The following SLC35F3 variants were observed in gnomAD, a reference collection of about 807,000 sequenced individuals.
The protein encoded by SLC35F3 is putative thiamine transporter SLC35F3.
In SLC35F3, 25 loss-of-function variants were observed where a neutral mutation model predicts 49.9. That is an observed-to-expected ratio of 0.50 (90% CI 0.37 to 0.70). The LOEUF (loss-of-function observed/expected upper bound fraction) is 0.70, where lower values mean the gene tolerates loss of function less well. Among genes scored for constraint, SLC35F3 ranks in the 30% least tolerant of loss-of-function variants. SLC35F3 has a pLI of 0.00. For synonymous variants in SLC35F3, 275 were observed against 265.4 expected, an observed-to-expected ratio of 1.04 and a Z score of -0.35; for missense variants, 525 against 639.8, an observed-to-expected ratio of 0.82 and a Z score of 1.94.
intron 2 of SLC35F3, among the ~76,000 whole-genome samples, chr1:234,179,454 C>T (rs1666525593): frequency 6.6e-6 from 1 of 152,094 alleles, no homozygotes; most frequent in African/African-American, 2.4e-5. Context: ...TCGTGATGTA[C>T]AATAATTGTA....
chr1:234,163,064 C>T (rs1666254781), intron 2 of SLC35F3, among the ~76,000 whole-genome samples: 1 of 152,208 alleles, frequency 6.6e-6, no homozygotes, highest in Non-Finnish European at 1.5e-5. Flanking sequence ...CCCACAGCTC[C>T]TTGCACAGAC....
rs150090697 is a variant in SLC35F3 at position 234,166,844 on chromosome 1, C to T, written c.284-64573C>T. Among the ~76,000 whole-genome samples, 317 of 152,332 alleles carry T rather than the reference C, an allele frequency of 2.1e-3. 2 individuals are homozygous for T. The highest frequency in any genetic ancestry group is 7.2e-3 in the African/African-American group (300 of 41,568). ...TCTTGTGGTTCCTTTCTCAGTTCACCGTTCTTCAGTAGCAGTTTCATGGGG... is the reference window on the plus strand; with the variant it reads ...TCTTGTGGTTCCTTTCTCAGTTCACTGTTCTTCAGTAGCAGTTTCATGGGG... On this transcript the variant is annotated intron_variant, in intron 2 of 7. Transcript: ENST00000366618.
intron 3 of SLC35F3, among the ~76,000 whole-genome samples, chr1:234,239,761 TAAG>T (rs1022171681): frequency 1.3e-5 from 2 of 152,260 alleles, no homozygotes; most frequent in Non-Finnish European, 2.9e-5. Flanking sequence ...TGATAGATGA[TAAG>T]AACATATGCT....
intron 2 of SLC35F3, among the ~76,000 whole-genome samples, chr1:233,937,198 G>A (rs1051979102): frequency 6.6e-6 from 1 of 152,192 alleles, no homozygotes; most frequent in Non-Finnish European, 1.5e-5. Flanking sequence ...AAAGACAGAA[G>A]AAAAGCCTCA....
chr1:234,227,506 C>G (rs1021642405), intron 2 of SLC35F3, among the ~76,000 whole-genome samples: 2 of 147,778 alleles, frequency 1.4e-5, no homozygotes, highest in Admixed American at 7.1e-5. Context: ...TCACGCCATT[C>G]TCCTGCCTCA....
intron 2 of SLC35F3, among the ~76,000 whole-genome samples, chr1:234,143,288 CTT>C (rs1352256091): frequency 6.5e-5 from 8 of 123,516 alleles, no homozygotes; most frequent in Admixed American, 9.1e-5. Flanking sequence ...CTTTTCTTTT[CTT>C]TTTTTTTTTT....
At chr1:234,224,817 A>G (rs974426834) in intron 2 of SLC35F3, among the ~76,000 whole-genome samples, 2 of 152,264 alleles carry the variant, frequency 1.3e-5, no homozygotes, top group Non-Finnish European at 2.9e-5. Flanking sequence ...CTCCACCATC[A>G]TGATGGATAT....
intron 2 of SLC35F3, among the ~76,000 whole-genome samples, chr1:234,229,968 C>G (rs186134043): frequency 1.3e-5 from 2 of 152,326 alleles, no homozygotes; most frequent in East Asian, 3.9e-4. Context: ...TGCCCTGCAG[C>G]CCATGCAGGA....
At chr1:234,126,015 A>AAT (rs1665642374) in intron 2 of SLC35F3, among the ~76,000 whole-genome samples, 1 of 152,230 alleles carries the variant, frequency 6.6e-6, no homozygotes, top group Admixed American at 6.5e-5. Flanking sequence ...GTTGACTCTA[A>AAT]AGACATTCAA....
At chr1:234,196,144 C>T (rs887989379) in intron 2 of SLC35F3, among the ~76,000 whole-genome samples, 4 of 152,172 alleles carry the variant, frequency 2.6e-5, no homozygotes, top group Non-Finnish European at 2.9e-5. Context: ...CCCTAGGACA[C>T]GCCCACCAGT....
intron 2 of SLC35F3, among the ~76,000 whole-genome samples, chr1:233,959,959 A>G (rs1009690106): frequency 2.0e-5 from 3 of 152,058 alleles, no homozygotes; most frequent in African/African-American, 7.2e-5. Context: ...CACCTTGTGC[A>G]GTGTTTTGTT....
At chr1:234,104,680 G>T (rs186998705) in intron 2 of SLC35F3, among the ~76,000 whole-genome samples, 21 of 152,352 alleles carry the variant, frequency 1.4e-4, no homozygotes, top group African/African-American at 5.0e-4. Context: ...CCTAAGTCTA[G>T]AAAGAGTGGT....
At chr1:234,281,488 G>A (rs1284105683) in intron 3 of SLC35F3, among the ~76,000 whole-genome samples, 1 of 152,150 alleles carries the variant, frequency 6.6e-6, no homozygotes, top group African/African-American at 2.4e-5. Context: ...AGAGCAGAGT[G>A]GATCAAAGTC....
rs371185179 is a variant in SLC35F3 at position 234,016,693 on chromosome 1, A to T, written c.283+110935A>T. On this transcript the variant is annotated intron_variant, in intron 2 of 7. Coordinates refer to ENST00000366618, the MANE Select transcript of SLC35F3 (RefSeq NM_173508.4). Reference sequence around the variant, plus strand: ...CACAAAACTTTTGGATAATTTGATGAATGTATTTCAATGCAATTGATTTCT... The same window carrying T: ...CACAAAACTTTTGGATAATTTGATGTATGTATTTCAATGCAATTGATTTCT... Among the ~76,000 whole-genome samples the T allele has an allele frequency of 4.6e-5, 7 of 152,228 alleles. No homozygotes were observed. In the East Asian group the frequency reaches 9.6e-4, roughly 21 times the overall value.
chr1:234,018,797 A>G (rs1417156905), intron 2 of SLC35F3, among the ~76,000 whole-genome samples: 1 of 152,198 alleles, frequency 6.6e-6, no homozygotes, highest in Non-Finnish European at 1.5e-5. Context: ...TCTTGGCAAC[A>G]TGGTCCAGGG....
chr1:233,990,995 G>C (rs764271952), intron 2 of SLC35F3, among the ~76,000 whole-genome samples: 9 of 152,178 alleles, frequency 5.9e-5, no homozygotes, highest in Non-Finnish European at 8.8e-5. Context: ...TTTCAGAAGT[G>C]AGCATTGTGA....
chr1:234,131,153 G>C (rs1021847734), intron 2 of SLC35F3, among the ~76,000 whole-genome samples: 5 of 150,972 alleles, frequency 3.3e-5, no homozygotes, highest in Admixed American at 3.3e-4. Context: ...AGGGGCATGA[G>C]GGGGCTTCTG....
chr1:234,101,813 G>C (rs925651830), intron 2 of SLC35F3, among the ~76,000 whole-genome samples: 1 of 152,220 alleles, frequency 6.6e-6, no homozygotes, highest in African/African-American at 2.4e-5. Flanking sequence ...GTGGCTAGGA[G>C]AGAAGATAAA....
At chr1:234,174,036 C>T (rs1173346031) in intron 2 of SLC35F3, among the ~76,000 whole-genome samples, 3 of 152,238 alleles carry the variant, frequency 2.0e-5, no homozygotes, top group East Asian at 3.9e-4. Context: ...CCCCACTCAC[C>T]CCTCACTCTG....
Sources: gnomAD v4.1 joint callset for allele counts (sites outside exome capture counted in the v4.1 genomes callset) on GRCh38, gnomAD v4.1.1 for gene constraint, MANE v1.5 for transcripts, NCBI Gene and HGNC (gene_info 2026-07-23, HGNC 2026-07-21) for gene names.